The following ROBO2 variants were observed in gnomAD, a reference collection of about 807,000 sequenced individuals.
ROBO2 encodes the protein roundabout homolog 2.
A neutral mutation model predicts 160.8 loss-of-function variants in ROBO2; 53 were observed. That is an observed-to-expected ratio of 0.33 (90% CI 0.26 to 0.41). ROBO2 has a LOEUF of 0.41. Ranked by LOEUF, ROBO2 falls within the 10% of genes least tolerant of loss-of-function variation. The pLI is 1.00. For synonymous variants in ROBO2, 664 were observed against 611.7 expected (o/e 1.09, Z -1.26); for missense variants, 1,577 against 1,722.4 (o/e 0.92, Z 1.49).
chr3:77,079,375 C>A (rs1009439163), intron 1 of ROBO2, among the ~76,000 whole-genome samples: 2 of 152,144 alleles, frequency 1.3e-5, no homozygotes, highest in African/African-American at 4.8e-5. Context: ...AGATAGACTA[C>A]GTTCCAGATT....
At chr3:76,403,700 C>T (rs9841869) in intron 2 of ROBO2, among the ~76,000 whole-genome samples, 1 of 151,438 alleles carries the variant, frequency 6.6e-6, no homozygotes, top group African/African-American at 2.4e-5. Flanking sequence ...GAACACAGCA[C>T]AGCCATTATT....
intron 2 of ROBO2, among the ~76,000 whole-genome samples, chr3:77,420,928 C>A (rs1342508418): frequency 1.3e-5 from 2 of 152,076 alleles, no homozygotes; most frequent in African/African-American, 2.4e-5. Context: ...TTATATGTTC[C>A]CAATCCGACT....
At chr3:76,184,826 A>G (rs1224222276) in intron 2 of ROBO2, among the ~76,000 whole-genome samples, 2 of 152,126 alleles carry the variant, frequency 1.3e-5, no homozygotes, top group African/African-American at 4.8e-5. Flanking sequence ...TGAGAAGCCT[A>G]GAGTTTTCCA....
intron 2 of ROBO2, among the ~76,000 whole-genome samples, chr3:76,106,003 A>C (rs2069911401): frequency 6.6e-6 from 1 of 152,150 alleles, no homozygotes. Flanking sequence ...AGTAATGTAT[A>C]CACCATTTCA....
At chr3:76,096,874 T>A (rs1416344429) in intron 2 of ROBO2, among the ~76,000 whole-genome samples, 4 of 152,304 alleles carry the variant, frequency 2.6e-5, no homozygotes, top group Middle Eastern at 3.4e-3. Flanking sequence ...TATCCTTGCC[T>A]TTGTAATGCT....
At chr3:77,380,543 T>A (rs1222644380) in intron 2 of ROBO2, among the ~76,000 whole-genome samples, 1 of 152,188 alleles carries the variant, frequency 6.6e-6, no homozygotes, top group Non-Finnish European at 1.5e-5. Flanking sequence ...GACGGGATTT[T>A]TTTTAGAATT....
chr3:75,992,992 A>C (rs974819679), intron 2 of ROBO2, among the ~76,000 whole-genome samples: 6 of 151,672 alleles, frequency 4.0e-5, no homozygotes, highest in African/African-American at 1.2e-4. Context: ...ACCCCATTGT[A>C]TCTAGGAAGT....
intron 2 of ROBO2, among the ~76,000 whole-genome samples, chr3:77,408,507 A>T (rs959416176): frequency 5.3e-5 from 8 of 152,172 alleles, no homozygotes; most frequent in Non-Finnish European, 1.2e-4. Flanking sequence ...TAAAAAGCAA[A>T]TTGCAGGTAA....
chr3:75,945,872 C>CAT (rs34947892), intron 2 of ROBO2, among the ~76,000 whole-genome samples: 65,971 of 151,670 alleles, frequency 0.43, 15,613 homozygotes, highest in South Asian at 0.66. Context: ...CCATTGATGT[C>CAT]ATATTAAGTT....
intron 2 of ROBO2, among the ~76,000 whole-genome samples, chr3:76,282,969 C>A (rs568284320): frequency 6.3e-4 from 94 of 148,410 alleles, no homozygotes; most frequent in African/African-American, 2.1e-3. Flanking sequence ...GATATTTTTT[C>A]TTTATTTTAT....
chr3:76,694,165 A>T (rs931778963), intron 2 of ROBO2, among the ~76,000 whole-genome samples: 1 of 152,204 alleles, frequency 6.6e-6, no homozygotes, highest in African/African-American at 2.4e-5. Flanking sequence ...TCAGTCGTGC[A>T]CTGCTGCCTT....
At chr3:77,109,224 A>C (rs1000511336) in intron 2 of ROBO2, among the ~76,000 whole-genome samples, 5 of 152,236 alleles carry the variant, frequency 3.3e-5, no homozygotes, top group Non-Finnish European at 7.3e-5. Context: ...GGATACAGAT[A>C]CTTAGAACAA....
At chr3:77,199,766 G>A (rs1373718116) in intron 2 of ROBO2, among the ~76,000 whole-genome samples, 2 of 150,130 alleles carry the variant, frequency 1.3e-5, no homozygotes, top group Admixed American at 6.7e-5. Context: ...GGGACAACAC[G>A]CTTGTGCCAC....
chr3:77,008,707 T>C (rs767835180), intron 2 of ROBO2, among the ~76,000 whole-genome samples: 6 of 152,132 alleles, frequency 3.9e-5, no homozygotes, highest in Admixed American at 1.3e-4. Context: ...AGATATAGAA[T>C]TGGAAAACAT....
At chr3:76,534,790 A>T (rs574326306) in intron 2 of ROBO2, among the ~76,000 whole-genome samples, 3 of 152,224 alleles carry the variant, frequency 2.0e-5, no homozygotes, top group African/African-American at 7.2e-5. Flanking sequence ...CAAGAGCCTG[A>T]TGCGTAGGAA....
chr3:76,468,139 A>G (rs1173820337), intron 2 of ROBO2, among the ~76,000 whole-genome samples: 1 of 152,148 alleles, frequency 6.6e-6, no homozygotes, highest in Non-Finnish European at 1.5e-5. Flanking sequence ...TCATACAGAA[A>G]CTATTATTGC....
At chr3:77,645,992 G>A in intron 25 of ROBO2, 62 bp from the exon 28 acceptor site, 1 of 1,251,836 alleles carries the variant, frequency 8.0e-7, no homozygotes. Context: ...TTTTTGTTAT[G>A]CTGGTCAGAA....
chr3:76,613,411 A>T lies in ROBO2; in HGVS notation c.110-484603A>T, dbSNP rs2088302680. On this transcript the variant is annotated intron_variant, in intron 2 of 26. Transcript: ENST00000487694. ...TACTAATTCTGATTATCTCAGTTTAAATAAAACTCTCATAAGGAAGCCTAT... is the reference window on the plus strand; with the variant it reads ...TACTAATTCTGATTATCTCAGTTTATATAAAACTCTCATAAGGAAGCCTAT... 2.0e-5 allele frequency among the ~76,000 whole-genome samples: 3 copies of T among 152,054 alleles called. No individual in the cohort carries two copies. In the South Asian group the frequency reaches 6.2e-4, roughly 32 times the overall value.
rs182426591 is a variant in ROBO2, at chr3:76,665,136, C to A, written c.110-432878C>A. ...ATATATAAACTACTCTCTCTTTCCC[C>A]TCAATGTTTTCCTTTTCTATTCTCA... On this transcript the variant is annotated intron_variant, in intron 2 of 26. Coordinates refer to the ROBO2 transcript ENST00000487694. 2.3e-3 allele frequency among the ~76,000 whole-genome samples: 351 copies of A among 152,200 alleles called. 1 individual carries two copies. The highest frequency in any genetic ancestry group is 8.0e-3 in the African/African-American group (334 of 41,522).
Sources: allele counts gnomAD v4.1 joint callset (sites outside exome capture counted in the v4.1 genomes callset), GRCh38; gene constraint gnomAD v4.1.1; transcripts MANE v1.5; gene names NCBI Gene and HGNC (gene_info 2026-07-23, HGNC 2026-07-21).